The following CEP43 variants were observed in gnomAD, a reference collection of about 807,000 sequenced individuals.
CEP43 encodes the protein FGFR1 oncogene partner.
In CEP43, 36 loss-of-function variants were observed where a neutral mutation model predicts 52.6. The ratio of observed to expected loss-of-function variants is 0.68; its 90% confidence interval spans 0.52 to 0.90. The LOEUF (loss-of-function observed/expected upper bound fraction) is 0.90, where lower values mean the gene tolerates loss of function less well. Ranked by LOEUF, CEP43 falls within the 40% of genes least tolerant of loss-of-function variation. The pLI is 0.00. For missense variants in CEP43, 506 were observed against 472.8 expected, an observed-to-expected ratio of 1.07 and a Z score of -0.65; for synonymous variants, 192 against 172.4, an observed-to-expected ratio of 1.11 and a Z score of -0.89.
At chr6:167,024,936 TTTCTCTAATTAA>T in intron 9 of CEP43, 42 bp downstream of exon 9, 1 of 1,092,088 alleles carries the variant, frequency 9.2e-7, no homozygotes, top group Non-Finnish European at 1.4e-6. Flanking sequence ...CGGGATATTT[TTTCTCTAATTAA>T]ATACTATGTG....
At chr6:167,014,459 T>A (rs1344471409) in intron 7 of CEP43, among the ~76,000 whole-genome samples, 2 of 152,228 alleles carry the variant, frequency 1.3e-5, no homozygotes, top group Non-Finnish European at 2.9e-5. Context: ...ATTAGAAGTT[T>A]TAGAAACATT....
In CEP43 at chr6:167,041,517, A is replaced by G. The variant is rs1216085206; in HGVS notation, c.*1539A>G. The G allele has an allele frequency of 1.8e-5, 19 of 1,054,374 alleles. No homozygotes were observed. Among genetic ancestry groups the G allele is most frequent in the Non-Finnish European group, 2.1e-5 (18 of 872,454 alleles). 65.3% of individuals were successfully genotyped at this position (1,054,374 alleles called of 1,614,324 possible). ...TGCAGTCCCCCAGTGTGGTTGTTAT[A>G]AAATGCATTTCTTTGTAAGTCATCT... is the stretch of plus-strand genomic sequence containing the variant. On this transcript the variant is annotated 3_prime_UTR_variant, in exon 13 of 13. Coordinates refer to ENST00000366847, the MANE Select transcript of CEP43 (RefSeq NM_007045.4).
chr6:167,005,584 C>T (rs1361012194), intron 5 of CEP43, among the ~76,000 whole-genome samples: 2 of 152,204 alleles, frequency 1.3e-5, no homozygotes, highest in Admixed American at 6.5e-5. Context: ...AGCCAGATCC[C>T]AGGCTGGCTG....
chr6:167,016,233 A>G (rs1011537125), intron 7 of CEP43, among the ~76,000 whole-genome samples: 1 of 152,216 alleles, frequency 6.6e-6, no homozygotes, highest in Non-Finnish European at 1.5e-5. Context: ...ATGAAAGATC[A>G]TCCTTTCTTC....
At chr6:167,003,477 A>G (rs1779783314) in intron 3 of CEP43, 5 of 513,014 alleles carry the variant, frequency 9.7e-6, no homozygotes, top group Non-Finnish European at 1.7e-5. Context: ...ATTAACCATT[A>G]AAAAGCGAAA....
intron 10 of CEP43, among the ~76,000 whole-genome samples, chr6:167,031,900 G>A (rs1324361474): frequency 6.6e-6 from 1 of 152,154 alleles, no homozygotes; most frequent in Non-Finnish European, 1.5e-5. Context: ...GGCTTGTGGT[G>A]CACTTTGAGA....
rs1257591168 is a variant in CEP43 at position 167,041,998 on chromosome 6, A to G, written c.*2020A>G. The G allele has an allele frequency of 2.3e-6, 1 of 441,192 alleles. No homozygotes were observed. The highest frequency in any genetic ancestry group is 3.0e-6 in the Non-Finnish European group (1 of 328,556). The allele number at this position is 441,192 out of a possible 1,614,324, so 27.3% of individuals were successfully genotyped here. On this transcript the variant is annotated 3_prime_UTR_variant, in exon 13 of 13. Transcript: ENST00000366847. ...ACCACCACGCCCGGCTAATTTTTGT[A>G]TTTTTAGTAGAGATGGGGTTTCACC...
chr6:167,018,385 G>A (rs908822693), intron 7 of CEP43, among the ~76,000 whole-genome samples: 1 of 151,658 alleles, frequency 6.6e-6, no homozygotes, highest in Non-Finnish European at 1.5e-5. Flanking sequence ...GCCATGGTAT[G>A]TGTGTGTGTG....
intron 12 of CEP43, among the ~76,000 whole-genome samples, chr6:167,035,309 C>T (rs533598118): frequency 6.6e-6 from 1 of 152,274 alleles, no homozygotes; most frequent in South Asian, 2.1e-4. Flanking sequence ...TGCTACTGGG[C>T]ACCTGGGGAA....
At chr6:167,003,451 A>G in intron 3 of CEP43, 1 of 508,624 alleles carries the variant, frequency 2.0e-6, no homozygotes, top group Non-Finnish European at 3.4e-6. Flanking sequence ...AGCCAGTTTT[A>G]CTACAAAAAG....
intron 5 of CEP43, among the ~76,000 whole-genome samples, chr6:167,007,544 A>G (rs1779882727): frequency 1.3e-5 from 2 of 152,228 alleles, no homozygotes; most frequent in South Asian, 4.1e-4. Context: ...TAAAATATTT[A>G]AAATAGAGAC....
rs1377362423 is a variant in CEP43 at position 167,041,374 on chromosome 6, G to GGTAAACTA, written c.*1397_*1398insTAAACTAG. The GGTAAACTA allele has an allele frequency of 9.4e-7, 1 of 1,060,226 alleles. No homozygotes were observed. Among genetic ancestry groups the GGTAAACTA allele is most frequent in the East Asian group, 5.1e-5 (1 of 19,448 alleles). 65.7% of individuals were successfully genotyped at this position (1,060,226 alleles called of 1,614,324 possible). On this transcript the variant is annotated 3_prime_UTR_variant, in exon 13 of 13. Coordinates refer to ENST00000366847, the MANE Select transcript of CEP43 (RefSeq NM_007045.4). ...ATCAAGAGGAAGTAGGACATAAACT[G>GGTAAACTA]GGCCGGTACAGCCTGGGAGCCCTGT...
At chr6:167,020,423 GA>G (rs1461241899) in intron 7 of CEP43, among the ~76,000 whole-genome samples, 1 of 152,144 alleles carries the variant, frequency 6.6e-6, no homozygotes, top group African/African-American at 2.4e-5. Flanking sequence ...TATGAAAAGT[GA>G]AACCATCCTT....
chr6:167,002,697 C>T (rs1344192450), intron 2 of CEP43, among the ~76,000 whole-genome samples: 1 of 152,180 alleles, frequency 6.6e-6, no homozygotes, highest in Non-Finnish European at 1.5e-5. Context: ...GCTTGATGGT[C>T]TAGAAGTATT....
In CEP43 at chr6:167,047,970, A is replaced by G. The variant is rs995816358; in HGVS notation, c.*7992A>G. 1 of 152,356 alleles carries G rather than the reference A, an allele frequency of 6.6e-6. No homozygotes were observed. Among genetic ancestry groups the G allele is most frequent in the Non-Finnish European group, 1.5e-5 (1 of 68,038 alleles). The allele number at this position is 152,356 out of a possible 1,614,324, so 9.4% of individuals were successfully genotyped here. On this transcript the variant is annotated 3_prime_UTR_variant, in exon 13 of 13. Coordinates refer to ENST00000366847, the MANE Select transcript of CEP43 (RefSeq NM_007045.4). ...AAAACAACAATTCTTAGTATACCAC[A>G]GACTGTGGTGCCTAGGAATAACAGA...
Position 167,051,761 on chromosome 6 carries a change from A to T in CEP43, c.*11783A>T, listed in dbSNP as rs187171498. Reference sequence around the variant, plus strand: ...TTTGACTTAAAGTCTATTTTGTTTGATATTAGCATAGCTATTCTTGCTCTT... The same window carrying T: ...TTTGACTTAAAGTCTATTTTGTTTGTTATTAGCATAGCTATTCTTGCTCTT... On this transcript the variant is annotated 3_prime_UTR_variant, in exon 13 of 13. Transcript: ENST00000366847. 6.6e-6 allele frequency: 1 copy of T among 152,130 alleles called. No individual in the cohort carries two copies. Among genetic ancestry groups the T allele is most frequent in the Non-Finnish European group, 1.5e-5 (1 of 68,034 alleles). 9.4% of individuals were successfully genotyped at this position (152,130 alleles called of 1,614,324 possible).
At chr6:167,019,027 C>T (rs146635592) in intron 7 of CEP43, among the ~76,000 whole-genome samples, 7 of 152,260 alleles carry the variant, frequency 4.6e-5, no homozygotes, top group East Asian at 1.9e-4. Flanking sequence ...GATTCTCTCT[C>T]GGGGCCAGGC....
chr6:167,037,851 A>G (rs1245137886), intron 12 of CEP43, among the ~76,000 whole-genome samples: 3 of 152,220 alleles, frequency 2.0e-5, no homozygotes, highest in Admixed American at 6.5e-5. Flanking sequence ...TTTGCAGGCC[A>G]TAACTACTCC....
At chr6:167,023,494 C>G (rs1780285705) in intron 8 of CEP43, among the ~76,000 whole-genome samples, 1 of 152,162 alleles carries the variant, frequency 6.6e-6, no homozygotes, top group Non-Finnish European at 1.5e-5. Flanking sequence ...GCATGACAGC[C>G]TGGAGGCCCC....
Sources: allele counts gnomAD v4.1 joint callset (sites outside exome capture counted in the v4.1 genomes callset), GRCh38; gene constraint gnomAD v4.1.1; transcripts MANE v1.5; gene names NCBI Gene and HGNC (gene_info 2026-07-23, HGNC 2026-07-21).